The following MED13 variants were observed in gnomAD, a reference collection of about 807,000 sequenced individuals.
MED13 encodes mediator complex subunit 13, also known as mediator of RNA polymerase II transcription subunit 13.
Under a neutral mutation model 225.2 loss-of-function variants are expected in MED13, and 23 were observed. The observed-to-expected ratio is 0.10, with a 90% CI of 0.07 to 0.14. The LOEUF is 0.14. MED13 is among the 10% of genes least tolerant of loss of function. The probability of loss-of-function intolerance (pLI) is 1.00; values close to 1 mark genes in which losing one functional copy is unlikely to be tolerated. For missense variants in MED13, 2,197 were observed against 2,594.5 expected (o/e 0.85, Z 3.33); for synonymous variants, 942 against 889.2 (o/e 1.06, Z -1.06).
intron 20 of MED13, among the ~76,000 whole-genome samples, chr17:61,963,843 C>A (rs372859865): frequency 6.6e-6 from 1 of 152,138 alleles, no homozygotes; most frequent in African/African-American, 2.4e-5. Context: ...GCCTATAAAT[C>A]AAAAGGGAAG....
intron 22 of MED13, 55 bp from the exon 23 acceptor site, chr17:61,961,145 G>A: frequency 4.5e-6 from 6 of 1,339,562 alleles, no homozygotes; most frequent in South Asian, 1.3e-5. Flanking sequence ...GAGAAATATT[G>A]CATTTAAAAT....
chr17:62,029,737 C>G (rs2080736799), intron 7 of MED13, 86 bp from the exon 8 acceptor site: 1 of 1,511,918 alleles, frequency 6.6e-7, no homozygotes, highest in African/African-American at 1.4e-5. Flanking sequence ...TTTTAAAGAT[C>G]AACATTATGA....
rs1305546390 is a variant in MED13 at position 61,943,515 on chromosome 17, T to C, written c.*2953A>G. ...ACAGTAATCTGTGCCATACTGACAA[T>C]TGAGTACGAATACAGCTGAGGATAG... On this transcript the variant is annotated 3_prime_UTR_variant, in exon 30 of 30. Coordinates refer to ENST00000397786, the MANE Select transcript of MED13 (RefSeq NM_005121.3). 6 of 152,704 alleles carry C rather than the reference T, an allele frequency of 3.9e-5. No individual in the cohort carries two copies. Among genetic ancestry groups the C allele is most frequent in the Non-Finnish European group, 5.9e-5 (4 of 67,982 alleles). The allele number at this position is 152,704 out of a possible 1,614,324, so 9.5% of individuals were successfully genotyped here.
intron 8 of MED13, among the ~76,000 whole-genome samples, chr17:62,013,575 T>C (rs532675204): frequency 4.6e-5 from 7 of 151,452 alleles, no homozygotes; most frequent in African/African-American, 1.4e-4. Context: ...AATATCTTAC[T>C]TGATGTTTAA....
intron 13 of MED13, 34 bp from the exon 14 acceptor site, chr17:61,984,899 C>T: frequency 6.3e-7 from 1 of 1,593,440 alleles, no homozygotes; most frequent in Non-Finnish European, 8.6e-7. Context: ...TTTAACATGA[C>T]TAAAAATAGG....
chr17:61,973,370 A>G (rs944653602), intron 16 of MED13, among the ~76,000 whole-genome samples: 23 of 152,324 alleles, frequency 1.5e-4, no homozygotes, highest in East Asian at 1.9e-4. Context: ...GAAATTATAC[A>G]GTAACTTGCT....
chr17:61,995,222 T>A lies in MED13; in HGVS notation c.2111A>T (p.Asp704Val). The A allele has an allele frequency of 6.2e-7, 1 of 1,613,880 alleles. No homozygotes were observed. The highest frequency in any genetic ancestry group is 8.5e-7 in the Non-Finnish European group (1 of 1,179,910). Residue 704 changes from aspartate (D) to valine (V), a missense_variant, in exon 10 of 30, where the codon GAT becomes GTT. Physicochemically the swap from Asp to Val is radical, Grantham distance 152 (BLOSUM62 -3). Coordinates refer to ENST00000397786, the MANE Select transcript of MED13 (RefSeq NM_005121.3). ...TTTATCAGGAAAAAGGAATTCCTCA[T>A]CTCCTTCAACAAATGCATATGGATC... ...KIDPYAFVEGDEEFLFPDKKD... is the reference protein window; with the variant it reads ...KIDPYAFVEGVEEFLFPDKKD...
chr17:62,018,714 T>C (rs2080607146), intron 8 of MED13, among the ~76,000 whole-genome samples: 1 of 117,472 alleles, frequency 8.5e-6, no homozygotes, highest in African/African-American at 3.8e-5. Context: ...AGACCCTATC[T>C]CAAAAAAAAA....
intron 5 of MED13, among the ~76,000 whole-genome samples, chr17:62,031,898 C>CT (rs1206435567): frequency 6.6e-6 from 1 of 151,242 alleles, no homozygotes; most frequent in East Asian, 1.9e-4. Flanking sequence ...GGCAGCTTTC[C>CT]TTTTTTTAGA....
At chr17:61,990,777 T>C (rs1279432524) in intron 11 of MED13, among the ~76,000 whole-genome samples, 2 of 152,078 alleles carry the variant, frequency 1.3e-5, no homozygotes, top group Non-Finnish European at 2.9e-5. Context: ...TGTCTCTCTA[T>C]TCCATTCACA....
chr17:62,004,256 AACAAG>A (rs980111064), intron 9 of MED13: 7 of 152,248 alleles, frequency 4.6e-5, no homozygotes, highest in African/African-American at 1.4e-4. Flanking sequence ...TACAGCAGTA[AACAAG>A]ACAAGAGTCC....
chr17:61,982,460 A>G lies in MED13; in HGVS notation c.3543T>C (p.Ser1181=). ...ATATCAAATCATCAGATAATTTTTC[A>G]GATTCCTTTAGTCCTCCATTAACAT... The part of the protein sequence containing the change: ...AEHVNGGLKE[S]EKLSDDLILL... Residue 1181 remains serine (S), a synonymous_variant, in exon 16 of 30, where the codon TCT becomes TCC. Coordinates refer to ENST00000397786, the MANE Select transcript of MED13 (RefSeq NM_005121.3). 1 of 1,614,260 alleles carries G rather than the reference A, an allele frequency of 6.2e-7. No homozygotes were observed. Among genetic ancestry groups the G allele is most frequent in the South Asian group, 1.1e-5 (1 of 91,084 alleles).
intron 11 of MED13, among the ~76,000 whole-genome samples, chr17:61,990,594 T>A (rs1434779102): frequency 6.8e-6 from 1 of 147,108 alleles, no homozygotes; most frequent in Non-Finnish European, 1.5e-5. Context: ...TCTCACTATA[T>A]ATATATATAC....
intron 8 of MED13, among the ~76,000 whole-genome samples, chr17:62,022,704 T>C (rs2143645981): frequency 6.6e-6 from 1 of 152,130 alleles, no homozygotes; most frequent in Non-Finnish European, 1.5e-5. Flanking sequence ...CTGTGAAAAA[T>C]AAATCAGAAT....
intron 4 of MED13, among the ~76,000 whole-genome samples, chr17:62,034,412 G>A (rs961084447): frequency 5.3e-5 from 8 of 151,288 alleles, no homozygotes; most frequent in East Asian, 1.9e-4. Context: ...GCTTGAACCC[G>A]GGAGGCAGAG....
intron 3 of MED13, among the ~76,000 whole-genome samples, chr17:62,041,337 TAGAC>T (rs1360515752): frequency 2.0e-5 from 3 of 152,154 alleles, no homozygotes; most frequent in Non-Finnish European, 4.4e-5. Context: ...GTCAAGTTTC[TAGAC>T]AGACAAAGTA....
intron 15 of MED13, 88 bp from the exon 16 acceptor site, chr17:61,983,202 T>C (rs1213847751): frequency 2.8e-6 from 3 of 1,056,722 alleles, no homozygotes; most frequent in South Asian, 4.1e-5. Flanking sequence ...GTCCCAAATG[T>C]TTTTCAATTA....
chr17:61,998,505 GTTT>G (rs1355809472), intron 9 of MED13, among the ~76,000 whole-genome samples: 1 of 149,794 alleles, frequency 6.7e-6, no homozygotes, highest in Non-Finnish European at 1.5e-5. Context: ...AGGTATGACA[GTTT>G]TTAAGATGAC....
At chr17:62,031,760 ATAAATATAAGCTTC>A in intron 5 of MED13, 122 bp from the exon 6 acceptor site, 1 of 522,838 alleles carries the variant, frequency 1.9e-6, no homozygotes, top group Non-Finnish European at 3.0e-6. Context: ...ATACATTTTT[ATAAATATAAGCTTC>A]TTTGGCATAA....
Sources: gnomAD v4.1 joint callset for allele counts (sites outside exome capture counted in the v4.1 genomes callset) on GRCh38, gnomAD v4.1.1 for gene constraint, MANE v1.5 for transcripts, NCBI Gene and HGNC (gene_info 2026-07-23, HGNC 2026-07-21) for gene names.